Variants in AVEN observed in about 807,000 individuals in gnomAD.
AVEN encodes cell death regulator Aven.
A neutral mutation model predicts 38.1 loss-of-function variants in AVEN; 41 were observed. The observed-to-expected ratio is 1.08, with a 90% CI of 0.84 to 1.40. The LOEUF is 1.40. Ranked by LOEUF, AVEN falls within the 40% of genes most tolerant of loss-of-function variation. AVEN has a pLI of 0.00. For missense variants in AVEN, 605 were observed against 438.8 expected (o/e 1.38, Z -3.38); for synonymous variants, 206 against 171.8 (o/e 1.20, Z -1.56).
At chr15:33,975,085 G>C (rs1318945514) in intron 2 of AVEN, among the ~76,000 whole-genome samples, 1 of 152,120 alleles carries the variant, frequency 6.6e-6, no homozygotes, top group African/African-American at 2.4e-5. Flanking sequence ...AGACATATAA[G>C]AGCAGATCTG....
chr15:33,894,809 CAAA>C (rs796302436), intron 2 of AVEN, among the ~76,000 whole-genome samples: 182 of 17,432 alleles, frequency 0.01, 2 homozygotes, highest in African/African-American at 0.015. Context: ...GACACCATCT[CAAA>C]AAAAAAAAAA....
chr15:33,993,182 T>C (rs1641955043), intron 2 of AVEN, among the ~76,000 whole-genome samples: 1 of 152,198 alleles, frequency 6.6e-6, no homozygotes, highest in Non-Finnish European at 1.5e-5. Flanking sequence ...AGAAGAAATT[T>C]CTCATAGATC....
chr15:34,015,352 G>A (rs550143363), intron 1 of AVEN, among the ~76,000 whole-genome samples: 41 of 151,978 alleles, frequency 2.7e-4, no homozygotes, highest in Admixed American at 1.7e-3. Context: ...GTGCGGTGGC[G>A]GGCACCTGTA....
At chr15:34,071,601 G>A (rs1900626515) in intron 1 of AVEN, among the ~76,000 whole-genome samples, 1 of 152,246 alleles carries the variant, frequency 6.6e-6, no homozygotes, top group African/African-American at 2.4e-5. Flanking sequence ...GTAGTTCCAT[G>A]TGTATCCAAA....
At chr15:33,935,536 G>A (rs1894027227) in intron 2 of AVEN, among the ~76,000 whole-genome samples, 1 of 151,878 alleles carries the variant, frequency 6.6e-6, no homozygotes, top group Admixed American at 6.6e-5. Flanking sequence ...GTATATATAT[G>A]TGTGTGTATA....
rs76108240 is a variant in AVEN at position 33,890,032 on chromosome 15, C to T, written c.446-14037G>A. On this transcript the variant is annotated intron_variant, in intron 2 of 5. Transcript: ENST00000306730. Reference sequence around the variant, plus strand: ...TGGCCACAAGGTGTCAAGGCGAGTTCCCTCTCCGACGTGCCAAACTGATCT... The same window carrying T: ...TGGCCACAAGGTGTCAAGGCGAGTTTCCTCTCCGACGTGCCAAACTGATCT... 3.8e-4 allele frequency among the ~76,000 whole-genome samples: 58 copies of T among 152,356 alleles called. No homozygotes were observed. In the East Asian group the frequency reaches 9.2e-3, roughly 24 times the overall value.
In AVEN at chr15:33,890,343, C is replaced by T. The variant is rs141101390; in HGVS notation, c.446-14348G>A. ...TGTGACTGGTGCGGTGCCTGGCACA[C>T]AGTAGGCAGTTAGTAAATGTGCATT... On this transcript the variant is annotated intron_variant, in intron 2 of 5. Coordinates refer to ENST00000306730, the MANE Select transcript of AVEN (RefSeq NM_020371.3). 1.1e-3 allele frequency among the ~76,000 whole-genome samples: 170 copies of T among 152,212 alleles called. 5 individuals carry two copies. The highest frequency in any genetic ancestry group is 5.0e-4 in the Non-Finnish European group (34 of 68,024).
intron 4 of AVEN, 116 bp downstream of exon 4, chr15:33,870,819 A>T (rs1890914651): frequency 1.5e-6 from 1 of 658,250 alleles, no homozygotes; most frequent in Non-Finnish European, 2.4e-6. Flanking sequence ...TTGATATGAA[A>T]CCCTCACTTT....
intron 2 of AVEN, among the ~76,000 whole-genome samples, chr15:33,904,363 T>C (rs968238805): frequency 1.2e-4 from 18 of 152,190 alleles, no homozygotes; most frequent in African/African-American, 4.3e-4. Flanking sequence ...GAAACTGCAG[T>C]GAGCTATGAT....
chr15:33,883,351 G>GT (rs569157983), intron 2 of AVEN, among the ~76,000 whole-genome samples: 35 of 151,938 alleles, frequency 2.3e-4, no homozygotes, highest in Admixed American at 1.2e-3. Context: ...TTTAATTTGA[G>GT]TTTTTTTCTT....
At chr15:33,976,339 C>T (rs1022207417) in intron 2 of AVEN, among the ~76,000 whole-genome samples, 6 of 152,210 alleles carry the variant, frequency 3.9e-5, no homozygotes, top group Admixed American at 3.9e-4. Context: ...TGAAGTCAAT[C>T]TCCTAAGTGA....
chr15:33,999,767 C>CA (rs1221848902), intron 2 of AVEN, among the ~76,000 whole-genome samples: 1 of 152,152 alleles, frequency 6.6e-6, no homozygotes, highest in Non-Finnish European at 1.5e-5. Flanking sequence ...CTAGTAGTAG[C>CA]AGTGGCTTCC....
chr15:33,912,906 T>G (rs1403641509), intron 2 of AVEN, among the ~76,000 whole-genome samples: 1 of 120,194 alleles, frequency 8.3e-6, no homozygotes, highest in African/African-American at 3.2e-5. Context: ...TTTTTTTTTT[T>G]GAGACAGAGT....
chr15:33,974,613 A>G (rs1395985783), intron 2 of AVEN, among the ~76,000 whole-genome samples: 2 of 152,336 alleles, frequency 1.3e-5, no homozygotes, highest in South Asian at 4.1e-4. Flanking sequence ...CTCAGGGTAC[A>G]TGAATAATGC....
chr15:33,857,932 GCGGGGCCAGCCCACCCAC>G (rs776984942), downstream of AVEN: 6 of 1,379,670 alleles, frequency 4.3e-6, no homozygotes, highest in African/African-American at 2.2e-4. Context: ...CCCACCCACT[GCGGGGCCAGCCCACCCAC>G]TGCGGGGCCA....
At chr15:34,006,098 TGAG>T (rs556002184) in intron 1 of AVEN, among the ~76,000 whole-genome samples, 149 of 152,144 alleles carry the variant, frequency 9.8e-4, no homozygotes, top group African/African-American at 3.4e-3. Context: ...GATCACAAGG[TGAG>T]GAGATCGAGA....
chr15:33,993,153 G>C (rs1448969020), intron 2 of AVEN, among the ~76,000 whole-genome samples: 1 of 151,920 alleles, frequency 6.6e-6, no homozygotes, highest in Non-Finnish European at 1.5e-5. Flanking sequence ...TTGACTTTTG[G>C]GGAAAAAAAA....
At position 34,038,924 on chromosome 15, in the gene AVEN, TCCGCCG is replaced by T; in HGVS notation, c.117_122del (p.Gly44_Gly45del). 1 of 718,286 alleles carries T rather than the reference TCCGCCG, an allele frequency of 1.4e-6. No homozygotes were observed. The highest frequency in any genetic ancestry group is 1.7e-6 in the Non-Finnish European group (1 of 575,296). 44.5% of individuals were successfully genotyped at this position (718,286 alleles called of 1,614,324 possible). On this transcript the variant is annotated inframe_deletion, in exon 1 of 6. Transcript: ENST00000306730. Reference sequence around the variant, plus strand: ...GTCCGCCTCCGTCCCCGCCGCCGCCTCCGCCGCCGCCTCTGGCTACCGCCGCTGCGG... The same window carrying T: ...GTCCGCCTCCGTCCCCGCCGCCGCCTCCGCCTCTGGCTACCGCCGCTGCGG...
intron 2 of AVEN, among the ~76,000 whole-genome samples, chr15:33,985,501 C>T (rs1323331881): frequency 6.8e-6 from 1 of 147,340 alleles, no homozygotes; most frequent in Non-Finnish European, 1.5e-5. Flanking sequence ...CCTCATCCCT[C>T]AGGGTTGCTT....
Sources: allele counts gnomAD v4.1 joint callset (sites outside exome capture counted in the v4.1 genomes callset), GRCh38; gene constraint gnomAD v4.1.1; transcripts MANE v1.5; gene names NCBI Gene and HGNC (gene_info 2026-07-23, HGNC 2026-07-21).